SPEF2: variants seen among roughly 807,000 people sequenced by gnomAD.
SPEF2 encodes sperm flagella and cilia-associated protein 2.
Under a neutral mutation model 224.6 loss-of-function variants are expected in SPEF2, and 187 were observed. The ratio of observed to expected loss-of-function variants is 0.83; its 90% confidence interval spans 0.74 to 0.94. SPEF2 has a LOEUF of 0.94. SPEF2 is among the 40% of genes least tolerant of loss of function. The pLI is 0.00. For missense variants in SPEF2, 2,170 were observed against 2,135.6 expected, an observed-to-expected ratio of 1.02 and a Z score of -0.32; for synonymous variants, 715 against 707.3, an observed-to-expected ratio of 1.01 and a Z score of -0.17.
intron 2 of SPEF2, among the ~76,000 whole-genome samples, chr5:35,633,931 T>C (rs1364141868): frequency 6.6e-6 from 1 of 152,090 alleles, no homozygotes; most frequent in East Asian, 1.9e-4. Context: ...CTCAGTTGTC[T>C]CCTCCTTTTT....
chr5:35,731,662 T>G (rs1052809522), intron 21 of SPEF2, among the ~76,000 whole-genome samples: 4 of 152,176 alleles, frequency 2.6e-5, no homozygotes, highest in African/African-American at 9.7e-5. Flanking sequence ...TGTGAGCAAA[T>G]TACTAGGCTC....
chr5:35,696,988 G>C (rs887786906), intron 14 of SPEF2, among the ~76,000 whole-genome samples: 11 of 152,142 alleles, frequency 7.2e-5, no homozygotes, highest in African/African-American at 2.7e-4. Flanking sequence ...TTAGAGACAT[G>C]GGTGAGAAAG....
intron 23 of SPEF2, among the ~76,000 whole-genome samples, chr5:35,748,129 C>T (rs1287498467): frequency 3.3e-5 from 5 of 152,024 alleles, no homozygotes; most frequent in East Asian, 3.9e-4. Context: ...AAAAATTATT[C>T]GAACTGAATG....
Position 35,698,921 on chromosome 5 carries a change from C to A in SPEF2, c.2141+1128C>A, listed in dbSNP as rs1266677334. 4 of 152,226 alleles carry A rather than the reference C, an allele frequency of 2.6e-5. No homozygotes were observed. In the East Asian group the frequency reaches 7.7e-4, roughly 29 times the overall value. 9.4% of individuals were successfully genotyped at this position (152,226 alleles called of 1,614,324 possible). ...GTGGACGAAGGAACTCAAGGAAATT[C>A]TCTTTCCCATCTTAGGCCAATGAAT... is the stretch of plus-strand genomic sequence containing the variant. On this transcript the variant is annotated intron_variant, in intron 15 of 36. Transcript: ENST00000356031.
At chr5:35,692,850 G>T in intron 12 of SPEF2, 126 bp downstream of exon 12, 2 of 786,880 alleles carry the variant, frequency 2.5e-6, no homozygotes, top group Non-Finnish European at 1.9e-6. Flanking sequence ...AAAAGTTTAG[G>T]TTCTGCAAAA....
Position 35,775,558 on chromosome 5 carries a change from T to C in SPEF2, c.4079-699T>C, listed in dbSNP as rs75926159. Reference sequence around the variant, plus strand: ...TCTAGGCACTGCCAAGAATGTTCAATTCTTCCCTGGTGGCAACTGGGAGCT... The same window carrying C: ...TCTAGGCACTGCCAAGAATGTTCAACTCTTCCCTGGTGGCAACTGGGAGCT... On this transcript the variant is annotated intron_variant, in intron 28 of 36. Transcript: ENST00000356031. Among the ~76,000 whole-genome samples, 548 of 152,196 alleles carry C rather than the reference T, an allele frequency of 3.6e-3. 2 individuals carry two copies. The highest frequency in any genetic ancestry group is 0.013 in the African/African-American group (525 of 41,536).
intron 1 of SPEF2, among the ~76,000 whole-genome samples, chr5:35,625,208 T>A (rs1169560789): frequency 6.6e-6 from 1 of 152,184 alleles, no homozygotes; most frequent in Non-Finnish European, 1.5e-5. Flanking sequence ...TTTTATAAAC[T>A]ACTCTGACAA....
intron 34 of SPEF2, among the ~76,000 whole-genome samples, chr5:35,804,622 A>G (rs1462368662): frequency 6.6e-6 from 1 of 152,226 alleles, no homozygotes; most frequent in Admixed American, 6.5e-5. Context: ...GAGATCAAAA[A>G]TAGCAAACAT....
At chr5:35,640,247 A>G (rs772598325) in intron 2 of SPEF2, among the ~76,000 whole-genome samples, 3 of 152,136 alleles carry the variant, frequency 2.0e-5, no homozygotes, top group African/African-American at 2.4e-5. Context: ...ACATGCCCCT[A>G]AAATCTGTAG....
At chr5:35,686,530 A>G (rs1753649479) in intron 10 of SPEF2, among the ~76,000 whole-genome samples, 1 of 152,120 alleles carries the variant, frequency 6.6e-6, no homozygotes, top group Admixed American at 6.5e-5. Context: ...TCTGATTTGT[A>G]TGTCTTAATT....
chr5:35,649,278 T>G, intron 5 of SPEF2, 83 bp from the exon 6 acceptor site: 1 of 1,200,540 alleles, frequency 8.3e-7, no homozygotes, highest in Non-Finnish European at 1.2e-6. Flanking sequence ...TACTTGTCAC[T>G]TTATAAACTT....
chr5:35,779,921 G>A (rs1222689431), intron 30 of SPEF2, among the ~76,000 whole-genome samples: 2 of 152,168 alleles, frequency 1.3e-5, no homozygotes, highest in African/African-American at 4.8e-5. Flanking sequence ...TACAGCATCT[G>A]CACAGGCTTT....
intron 5 of SPEF2, 122 bp downstream of exon 5, chr5:35,646,929 G>T: frequency 9.5e-7 from 1 of 1,050,740 alleles, no homozygotes; most frequent in Non-Finnish European, 1.4e-6. Flanking sequence ...CTCTGACCTT[G>T]TCCTTTCTCA....
At position 35,641,685 on chromosome 5, in the gene SPEF2, T is replaced by C; in HGVS notation, c.414+2T>C. On this transcript the variant is annotated splice_donor_variant, in intron 3 of 36. Coordinates refer to ENST00000356031, the MANE Select transcript of SPEF2 (RefSeq NM_024867.4). LOFTEE classifies it high-confidence loss of function. The stretch of plus-strand genomic sequence containing the variant: ...ATGAAAAGTGATACTTTTCAAGAGG[T>C]AGGTACATAAAAAAGCATAATAAGC... 6.2e-7 allele frequency: 1 copy of C among 1,609,852 alleles called. No homozygotes were observed. Among genetic ancestry groups the C allele is most frequent in the South Asian group, 1.1e-5 (1 of 90,246 alleles).
chr5:35,657,536 C>G (rs1749128476), intron 7 of SPEF2, among the ~76,000 whole-genome samples: 1 of 151,874 alleles, frequency 6.6e-6, no homozygotes, highest in Admixed American at 6.6e-5. Flanking sequence ...TAGACTACTT[C>G]TTGAACAATT....
intron 10 of SPEF2, chr5:35,671,625 C>T: frequency 1.5e-6 from 1 of 647,312 alleles, no homozygotes; most frequent in Non-Finnish European, 1.9e-6. Flanking sequence ...CTAAACAGCT[C>T]AATCTCTATT....
Position 35,763,653 on chromosome 5 carries a change from A to T in SPEF2, c.3752A>T (p.Lys1251Met). 6.2e-7 allele frequency: 1 copy of T among 1,613,904 alleles called. No individual in the cohort carries two copies. The highest frequency in any genetic ancestry group is 8.5e-7 in the Non-Finnish European group (1 of 1,179,908). The change falls in exon 26 of 37, where the codon AAG becomes ATG. Residue 1251 changes from lysine to methionine, a missense_variant. By Grantham distance (95) the Lys-to-Met change is moderately conservative. Transcript: ENST00000356031. ...NVESNFEADE[K>M]LVMDTWQQAS... ...GAGTCCAACTTTGAGGCCGATGAAA[A>T]GTTGGTCATGGACACCTGGCAGCAG...
At chr5:35,696,331 AAC>A (rs1334547457) in intron 14 of SPEF2, among the ~76,000 whole-genome samples, 3 of 152,180 alleles carry the variant, frequency 2.0e-5, no homozygotes, top group African/African-American at 7.2e-5. Context: ...CATCATGAAA[AAC>A]AGTTTTATAA....
At chr5:35,739,853 T>G in intron 21 of SPEF2, 66 bp from the exon 22 acceptor site, 1 of 1,579,614 alleles carries the variant, frequency 6.3e-7, no homozygotes, top group East Asian at 2.2e-5. Flanking sequence ...GACTGTTCTT[T>G]TGACACTATT....
Sources: gnomAD v4.1 joint callset for allele counts (sites outside exome capture counted in the v4.1 genomes callset) on GRCh38, gnomAD v4.1.1 for gene constraint, MANE v1.5 for transcripts, NCBI Gene and HGNC (gene_info 2026-07-23, HGNC 2026-07-21) for gene names.